FBN3: variants seen among roughly 807,000 people sequenced by gnomAD.
The protein encoded by FBN3 is fibrillin-3.
Under a neutral mutation model 330.1 loss-of-function variants are expected in FBN3, and 234 were observed. The observed-to-expected ratio is 0.71, with a 90% CI of 0.64 to 0.79. The LOEUF (loss-of-function observed/expected upper bound fraction) is 0.79, where lower values mean the gene tolerates loss of function less well. Ranked by LOEUF, FBN3 falls within the 30% of genes least tolerant of loss-of-function variation. The pLI is 0.00. For synonymous variants in FBN3, 1,458 were observed against 1,517.3 expected (o/e 0.96, Z 0.91); for missense variants, 3,606 against 3,886.9 (o/e 0.93, Z 1.92).
In FBN3 at chr19:8,112,062, G is replaced by A. The variant is rs759534633; in HGVS notation, c.3876C>T (p.Asp1292=). The A allele has an allele frequency of 3.7e-6, 6 of 1,613,324 alleles. No homozygotes were observed. Among genetic ancestry groups the A allele is most frequent in the South Asian group, 3.3e-5 (3 of 91,034 alleles). The part of the protein sequence containing the change: ...DECEVGGHNC[D]SHASCLNIPG... ...GGATGTTGAGACAGGAGGCGTGACT[G>A]TCACAGTTGTGTCCTCCAACCTCGC... Residue 1292 remains aspartate, a synonymous_variant, in exon 31 of 64, where the codon GAC becomes GAT. Transcript: ENST00000600128.
Position 8,121,452 on chromosome 19 carries a change from G to T in FBN3, c.3083-66C>A, listed in dbSNP as rs868024042. 1.4e-6 allele frequency: 2 copies of T among 1,467,880 alleles called. No individual in the cohort carries two copies. The highest frequency in any genetic ancestry group is 4.0e-4 in the Middle Eastern group (2 of 5,048). The allele number at this position is 1,467,880 out of a possible 1,614,324, so 90.9% of individuals were successfully genotyped here. A position where few individuals can be genotyped will look rare whatever the true frequency, so the allele number is the denominator to read the frequency against. ...CCGCATCATGGGGCACGAGGCAGGGGGGTCCCTGTCCTTTGATGGAGGTGT... is the reference window on the plus strand; with the variant it reads ...CCGCATCATGGGGCACGAGGCAGGGTGGTCCCTGTCCTTTGATGGAGGTGT... On this transcript the variant is annotated intron_variant, in intron 24 of 63. Transcript: ENST00000600128. This position sits in a 1 kb window ranked among gnomAD's most constrained non-coding sequence, Gnocchi z 4.5.
At chr19:8,136,650 C>G (rs2083288438) in intron 10 of FBN3, 119 bp from the exon 11 acceptor site, 1 of 1,312,186 alleles carries the variant, frequency 7.6e-7, no homozygotes, top group African/African-American at 1.5e-5. Context: ...TGCCCTGGCT[C>G]AGATCCTGCC....
Position 8,066,028 on chromosome 19 carries a change from C to T in FBN3, c.8321G>A (p.Arg2774Gln), listed in dbSNP as rs139098536. 6.9e-5 allele frequency: 111 copies of T among 1,613,110 alleles called. No homozygotes were observed. In the African/African-American group the frequency reaches 7.7e-4, roughly 11 times the overall value. The change falls in exon 64 of 64, where the codon CGG becomes CAG. Residue 2774 changes from arginine to glutamine, a missense_variant. Arg to Gln is a conservative substitution (Grantham distance 43). Coordinates refer to ENST00000600128, the MANE Select transcript of FBN3 (RefSeq NM_032447.5). Reference sequence around the variant, plus strand: ...TGCCATGTGGCTCACCACCTCCAGCCGGTAGGTTCCAGGCCCCGGCCGCCT... The same window carrying T: ...TGCCATGTGGCTCACCACCTCCAGCTGGTAGGTTCCAGGCCCCGGCCGCCT... ...GRRRPGPGTY[R>Q]LEVVSHMAGP...
At chr19:8,141,144 G>A (rs1323509603) in intron 8 of FBN3, among the ~76,000 whole-genome samples, 1 of 139,232 alleles carries the variant, frequency 7.2e-6, no homozygotes, top group Non-Finnish European at 1.5e-5. Flanking sequence ...GCAGTGAGCC[G>A]AGATCGCGCC....
chr19:8,072,317 A>C, intron 62 of FBN3, 119 bp from the exon 63 acceptor site: 1 of 1,075,074 alleles, frequency 9.3e-7, no homozygotes, highest in Non-Finnish European at 1.3e-6. Context: ...ACGCACACAA[A>C]TGCCTCTGAG....
chr19:8,086,129 T>TGGGGGGAACAGGCAGTG, intron 55 of FBN3, 71 bp downstream of exon 55: 4 of 775,786 alleles, frequency 5.2e-6, no homozygotes, highest in South Asian at 2.5e-5. Flanking sequence ...GAACAGGCAG[T>TGGGGGGAACAGGCAGTG]GGGGGGGGAC....
At chr19:8,124,153 C>T in intron 22 of FBN3, 145 bp from the exon 23 acceptor site, 1 of 681,130 alleles carries the variant, frequency 1.5e-6, no homozygotes. Context: ...TGACTTCCTC[C>T]AGGCACTGTC....
chr19:8,109,617 G>A lies in FBN3; in HGVS notation c.4456+14C>T. ...GACCCCAGAACCCTGATCTGGAGTT[G>A]AGCATGGACTCACCCACGCAGCCCA... On this transcript the variant is annotated intron_variant, in intron 35 of 63. Transcript: ENST00000600128. The surrounding 1 kb of genome is among the most constrained non-coding windows in gnomAD (Gnocchi z 5.2). 6.3e-7 allele frequency: 1 copy of A among 1,588,602 alleles called. No individual in the cohort carries two copies. Among genetic ancestry groups the A allele is most frequent in the Admixed American group, 1.8e-5 (1 of 57,088 alleles).
At chr19:8,120,215 G>C (rs2082812434) in intron 25 of FBN3, among the ~76,000 whole-genome samples, 2 of 140,836 alleles carry the variant, frequency 1.4e-5, no homozygotes, top group East Asian at 2.1e-4. Flanking sequence ...TGTCGCCCAG[G>C]CTGGAGTGCA....
rs1396286371 is a variant in FBN3 at position 8,131,442 on chromosome 19, T to C, written c.1990+112A>G. ...GGAGGGAGCAACTCCCTTCAGCCTC[T>C]TTTTGGGAAGAGCCCCCACTCCATG... On this transcript the variant is annotated intron_variant, in intron 15 of 63. Coordinates refer to ENST00000600128, the MANE Select transcript of FBN3 (RefSeq NM_032447.5). This position sits in a 1 kb window ranked among gnomAD's most constrained non-coding sequence, Gnocchi z 4.5. 6.7e-7 allele frequency: 1 copy of C among 1,486,440 alleles called. No homozygotes were observed. 92.1% of individuals were successfully genotyped at this position (1,486,440 alleles called of 1,614,324 possible). A position where few individuals can be genotyped will look rare whatever the true frequency, so the allele number is the denominator to read the frequency against.
chr19:8,088,743 G>A (rs915441981), intron 51 of FBN3, among the ~76,000 whole-genome samples: 1 of 152,232 alleles, frequency 6.6e-6, no homozygotes, highest in African/African-American at 2.4e-5. Flanking sequence ...AAAGGAATGA[G>A]TGAGTAAATG....
At chr19:8,133,237 T>C (rs747503323) in intron 13 of FBN3, 131 bp from the exon 14 acceptor site, 8 of 1,180,318 alleles carry the variant, frequency 6.8e-6, no homozygotes, top group Non-Finnish European at 9.1e-6. Flanking sequence ...GCTGTGGTTG[T>C]CTGTGACTGT....
intron 13 of FBN3, among the ~76,000 whole-genome samples, chr19:8,134,317 G>C (rs982634065): frequency 6.6e-6 from 1 of 152,140 alleles, no homozygotes; most frequent in Admixed American, 6.6e-5. Flanking sequence ...ATTCACAGAA[G>C]CATTATGCCT....
chr19:8,145,070 G>C, intron 5 of FBN3, 98 bp from the exon 6 acceptor site: 1 of 1,099,476 alleles, frequency 9.1e-7, no homozygotes, highest in Non-Finnish European at 1.3e-6. Flanking sequence ...CCCAGGATCT[G>C]GCCCAGGTTG....
intron 32 of FBN3, 24 bp downstream of exon 32, chr19:8,111,624 G>GGCCCC: frequency 6.9e-7 from 1 of 1,453,550 alleles, no homozygotes; most frequent in Non-Finnish European, 9.4e-7. Context: ...TAGGGCCCCT[G>GGCCCC]CCCTCCCACC....
chr19:8,135,935 T>TTGGGGGGGGGGGGGGGCG, intron 13 of FBN3, 26 bp downstream of exon 13: 43 of 1,344,150 alleles, frequency 3.2e-5, no homozygotes, highest in Non-Finnish European at 3.8e-5. Context: ...CGGAAGCCCC[T>TTGGGGGGGGGGGGGGGCG]GCCCACCCGC....
At chr19:8,126,124 G>A in intron 21 of FBN3, 107 bp from the exon 22 acceptor site, 2 of 1,519,512 alleles carry the variant, frequency 1.3e-6, no homozygotes, top group Non-Finnish European at 1.8e-6. Context: ...AAGGGGACGG[G>A]GACACGGGGA....
chr19:8,096,213 G>A lies in FBN3; in HGVS notation c.5540-133C>T, dbSNP rs1247397269. On this transcript the variant is annotated intron_variant, in intron 44 of 63. Transcript: ENST00000600128. This position sits in a 1 kb window ranked among gnomAD's most constrained non-coding sequence, Gnocchi z 4.6. ...CCTAGATGACTGGGCAGTGACCCCTGGCGGTGATGGCTGGGAAGTACTCCT... is the reference window on the plus strand; with the variant it reads ...CCTAGATGACTGGGCAGTGACCCCTAGCGGTGATGGCTGGGAAGTACTCCT... 2.3e-6 allele frequency: 2 copies of A among 863,858 alleles called. No individual in the cohort carries two copies. The highest frequency in any genetic ancestry group is 1.9e-6 in the Non-Finnish European group (1 of 525,792). The allele number at this position is 863,858 out of a possible 1,614,324, so 53.5% of individuals were successfully genotyped here. A position where few individuals can be genotyped will look rare whatever the true frequency, so the allele number is the denominator to read the frequency against.
chr19:8,118,536 ACACT>A (rs1481837914), intron 26 of FBN3, among the ~76,000 whole-genome samples: 1 of 151,848 alleles, frequency 6.6e-6, no homozygotes, highest in Non-Finnish European at 1.5e-5. Flanking sequence ...AGCCAAATAC[ACACT>A]CAAACCCTCT....
Sources: gnomAD v4.1 joint callset for allele counts (sites outside exome capture counted in the v4.1 genomes callset) on GRCh38, gnomAD v4.1.1 for gene constraint, Gnocchi (gnomAD v3.1) non-coding constraint, MANE v1.5 for transcripts, NCBI Gene and HGNC (gene_info 2026-07-23, HGNC 2026-07-21) for gene names.